C16orf96: variants seen among roughly 807,000 people sequenced by gnomAD.
The protein encoded by C16orf96 is uncharacterized protein C16orf96.
Under a neutral mutation model 103.6 loss-of-function variants are expected in C16orf96, and 108 were observed. That is an observed-to-expected ratio of 1.04 (90% CI 0.89 to 1.22). The LOEUF is 1.22. Among genes scored for constraint, C16orf96 ranks in the 50% most tolerant of loss-of-function variants. C16orf96 has a pLI of 0.00. For missense variants in C16orf96, 1,586 were observed against 1,464.2 expected (o/e 1.08, Z -1.36); for synonymous variants, 566 against 593.5 (o/e 0.95, Z 0.67).
At chr16:4,550,451 T>C in the C16orf96 span, among the ~76,000 whole-genome samples, 2 of 152,080 alleles carry the variant, frequency 1.3e-5, no homozygotes, top group African/African-American at 4.8e-5. Flanking sequence ...GGTACCTCTC[T>C]CCTCCCATGT....
intron 1 of C16orf96, among the ~76,000 whole-genome samples, chr16:4,558,588 G>A (rs536973011): frequency 6.6e-6 from 1 of 151,944 alleles, no homozygotes; most frequent in African/African-American, 2.4e-5. Flanking sequence ...CTCCAGCCTG[G>A]GGGACAGAGC....
At chr16:4,560,116 C>G (rs1397540625) in intron 1 of C16orf96, 1 of 152,176 alleles carries the variant, frequency 6.6e-6, no homozygotes, top group Non-Finnish European at 1.5e-5. Context: ...CTCCAAGGTT[C>G]AAGTGACTCT....
In C16orf96 at chr16:4,576,292, G is replaced by A; in HGVS notation, c.1812G>A (p.Met604Ile). ...TCAAGGATGCCCCAGCCACCAAAAT[G>A]GCCGCCATTGCAACAGACACGGCTG... ...KFVKDAPATKMAAIATDTAAA... is the reference protein window; with the variant it reads ...KFVKDAPATKIAAIATDTAAA... Residue 604 changes from methionine (M) to isoleucine (I), a missense_variant, in exon 5 of 16, where the codon ATG becomes ATA. Physicochemically the swap from Met to Ile is conservative, Grantham distance 10. Transcript: ENST00000444310. 6.4e-7 allele frequency: 1 copy of A among 1,550,778 alleles called. No individual in the cohort carries two copies.
chr16:4,596,477 T>C (rs1897174425), intron 14 of C16orf96, among the ~76,000 whole-genome samples: 2 of 122,548 alleles, frequency 1.6e-5, no homozygotes, highest in East Asian at 5.0e-4. Flanking sequence ...AGAGCGAGAC[T>C]TCGTCTCAAA....
chr16:4,563,014 C>T (rs2059348410), intron 1 of C16orf96: 4 of 1,029,206 alleles, frequency 3.9e-6, no homozygotes, highest in Non-Finnish European at 4.5e-6. Flanking sequence ...AACATGTTAC[C>T]ATCTCTGCTG....
At chr16:4,588,009 G>A (rs1434117388) in intron 8 of C16orf96, among the ~76,000 whole-genome samples, 158 bp from the exon 9 acceptor site, 7 of 152,116 alleles carry the variant, frequency 4.6e-5, no homozygotes, top group African/African-American at 7.2e-5. Flanking sequence ...TCTCGAGATC[G>A]TGTTTGAATC....
At chr16:4,577,567 C>T (rs958683989) in intron 5 of C16orf96, among the ~76,000 whole-genome samples, 2 of 151,866 alleles carry the variant, frequency 1.3e-5, no homozygotes, top group Non-Finnish European at 2.9e-5. Flanking sequence ...AGGAGAATGG[C>T]GTGAACCCAG....
At chr16:4,587,357 G>A (rs914425750) in intron 8 of C16orf96, among the ~76,000 whole-genome samples, 25 of 151,912 alleles carry the variant, frequency 1.6e-4, no homozygotes, top group African/African-American at 5.8e-4. Flanking sequence ...ATGAAACTCC[G>A]TCTCTAGTCA....
intron 1 of C16orf96, chr16:4,559,858 T>G (rs2059309242): frequency 6.6e-6 from 1 of 152,250 alleles, no homozygotes; most frequent in African/African-American, 2.4e-5. Flanking sequence ...GTGTATTTCA[T>G]AGAGACAGAA....
chr16:4,598,652 T>C (rs1897223983), intron 14 of C16orf96, among the ~76,000 whole-genome samples: 1 of 152,120 alleles, frequency 6.6e-6, no homozygotes, highest in Admixed American at 6.5e-5. Context: ...GACAGGAAGA[T>C]GGGGGCATTT....
rs1291014972 is a variant in C16orf96 at position 4,594,503 on chromosome 16, A to G, written c.3020A>G (p.Tyr1007Cys). ...YPYGDPHVID[Y>C]DSAEVDILGV... The stretch of plus-strand genomic sequence containing the variant: ...TACGGGGATCCCCACGTGATCGACT[A>G]TGACAGCGTGAGTCTGGCCGGGGCC... Residue 1007 changes from tyrosine to cysteine, a missense_variant, in exon 13 of 16, where the codon TAT becomes TGT. By Grantham distance (194) the Tyr-to-Cys change is radical (BLOSUM62 -2). Coordinates refer to ENST00000444310, the MANE Select transcript of C16orf96 (RefSeq NM_001145011.2). 6.4e-7 allele frequency: 1 copy of G among 1,551,008 alleles called. No individual in the cohort carries two copies.
At chr16:4,547,672 GCTTCCTTC>G in the C16orf96 span, among the ~76,000 whole-genome samples, 16 of 105,668 alleles carry the variant, frequency 1.5e-4, 1 homozygote, top group African/African-American at 7.4e-4. Flanking sequence ...TTCCTTCCTT[GCTTCCTTC>G]CTTCCTTCCT....
At chr16:4,543,890 C>T in the C16orf96 span, among the ~76,000 whole-genome samples, 1 of 152,150 alleles carries the variant, frequency 6.6e-6, no homozygotes, top group Non-Finnish European at 1.5e-5. Flanking sequence ...GATCCTCCCA[C>T]CTAGGCCTCC....
At chr16:4,563,071 CT>C (rs2059349389) in intron 1 of C16orf96, 2 of 822,892 alleles carry the variant, frequency 2.4e-6, no homozygotes, top group Admixed American at 3.9e-5. Flanking sequence ...TTTCGCCTGT[CT>C]TTTGCTTCTT....
intron 15 of C16orf96, among the ~76,000 whole-genome samples, chr16:4,599,722 C>T (rs960325387): frequency 6.6e-6 from 1 of 152,254 alleles, no homozygotes; most frequent in African/African-American, 2.4e-5. Context: ...CTCATCCCGA[C>T]TCCTGTGAGG....
upstream of C16orf96, among the ~76,000 whole-genome samples, chr16:4,556,291 A>G (rs1262104215): frequency 1.3e-5 from 2 of 152,094 alleles, no homozygotes; most frequent in African/African-American, 4.8e-5. Flanking sequence ...CCGTTTCATC[A>G]CATTCTTTGG....
At chr16:4,573,707 A>G (rs56191330) in intron 2 of C16orf96, among the ~76,000 whole-genome samples, 1 of 144,880 alleles carries the variant, frequency 6.9e-6, no homozygotes, top group East Asian at 2.1e-4. Flanking sequence ...AGCCGAGATC[A>G]CACCACTGCA....
In C16orf96 at chr16:4,575,271, C is replaced by T. The variant is rs1261513530; in HGVS notation, c.791C>T (p.Ala264Val). ...ACCAAGTACCTTGAAGCTACTCGTG[C>T]CATCCAGGTCTCCGAGCCCGTCCAA... ...QTTKYLEATRAIQVSEPVQNP... is the reference protein window; with the variant it reads ...QTTKYLEATRVIQVSEPVQNP... Residue 264 changes from alanine (A) to valine (V), a missense_variant, in exon 5 of 16, where the codon GCC becomes GTC. Physicochemically the swap from Ala to Val is moderately conservative, Grantham distance 64. Transcript: ENST00000444310. 1.9e-6 allele frequency: 3 copies of T among 1,550,450 alleles called. No homozygotes were observed. Among genetic ancestry groups the T allele is most frequent in the Non-Finnish European group, 2.6e-6 (3 of 1,146,970 alleles).
At chr16:4,564,195 GGTAA>G (rs2059363414) in intron 1 of C16orf96, among the ~76,000 whole-genome samples, 2 of 151,996 alleles carry the variant, frequency 1.3e-5, no homozygotes, top group African/African-American at 4.8e-5. Context: ...AAAGATTAGT[GGTAA>G]CTGGTTTTGC....
Sources: allele counts gnomAD v4.1 joint callset (sites outside exome capture counted in the v4.1 genomes callset), GRCh38; gene constraint gnomAD v4.1.1; transcripts MANE v1.5; gene names NCBI Gene and HGNC (gene_info 2026-07-23, HGNC 2026-07-21).